DNM2: variants seen among roughly 807,000 people sequenced by gnomAD.
The protein encoded by DNM2 is dynamin-2.
A neutral mutation model predicts 99.0 loss-of-function variants in DNM2; 15 were observed. That is an observed-to-expected ratio of 0.15 (90% confidence interval 0.10 to 0.23). The LOEUF is 0.23. Ranked by LOEUF, DNM2 falls within the 10% of genes least tolerant of loss-of-function variation. The probability of loss-of-function intolerance (pLI) is 1.00; values close to 1 mark genes in which losing one functional copy is unlikely to be tolerated. For synonymous variants in DNM2, 525 were observed against 481.2 expected, an observed-to-expected ratio of 1.09 and a Z score of -1.19; for missense variants, 742 against 1,189.4, an observed-to-expected ratio of 0.62 and a Z score of 5.53.
At position 10,755,254 on chromosome 19, in the gene DNM2, T is replaced by A. The variant is rs115015838; in HGVS notation, c.162-4484T>A. 1.5e-3 allele frequency: 230 copies of A among 152,304 alleles called. 1 individual carries two copies. The highest frequency in any genetic ancestry group is 5.2e-3 in the African/African-American group (216 of 41,570). 9.4% of individuals were successfully genotyped at this position (152,304 alleles called of 1,614,324 possible). ...ATTCGACCACGAAAAGGAATGAACG[T>A]CAGACACACGAAGCAGACAGGATGT... On this transcript the variant is annotated intron_variant, in intron 1 of 20. Transcript: ENST00000389253.
At chr19:10,753,988 T>C (rs563034184) in intron 1 of DNM2, among the ~76,000 whole-genome samples, 6 of 152,330 alleles carry the variant, frequency 3.9e-5, no homozygotes, top group African/African-American at 1.4e-4. Context: ...ATTGAAAATA[T>C]ATGTTTTCAA....
In DNM2 at chr19:10,815,211, G is replaced by A. The variant is rs187023082; in HGVS notation, c.1671+2834G>A. Among the ~76,000 whole-genome samples the A allele has an allele frequency of 2.3e-3, 350 of 152,278 alleles. 1 individual carries two copies. The highest frequency in any genetic ancestry group is 7.9e-3 in the African/African-American group (330 of 41,546). On this transcript the variant is annotated intron_variant, in intron 15 of 20. Coordinates refer to ENST00000389253, the MANE Select transcript of DNM2 (RefSeq NM_001005361.3). ...CAGGGCTCCCTTCATAGTTTAAAAT[G>A]GCTGCCCCATACCCATCACCATGTA...
chr19:10,731,650 G>A (rs1174395107), intron 1 of DNM2, among the ~76,000 whole-genome samples: 1 of 152,136 alleles, frequency 6.6e-6, no homozygotes, highest in Non-Finnish European at 1.5e-5. Context: ...CGCCGTGCCC[G>A]GCCCCCAGGT....
At chr19:10,746,731 T>TTG (rs1555700244) in intron 1 of DNM2, among the ~76,000 whole-genome samples, 9 of 116,080 alleles carry the variant, frequency 7.8e-5, no homozygotes, top group East Asian at 4.7e-4. Flanking sequence ...TTTTTTGTTT[T>TTG]TTGTTTTTTT....
At chr19:10,801,909 A>G (rs62131822) in intron 11 of DNM2, among the ~76,000 whole-genome samples, 1 of 89,048 alleles carries the variant, frequency 1.1e-5, no homozygotes, top group Non-Finnish European at 2.9e-5. Flanking sequence ...CGTCTCGAAG[A>G]AAAAAAAAAA....
Position 10,797,447 on chromosome 19 carries a change from G to A in DNM2, c.1264G>A (p.Glu422Lys), listed in dbSNP as rs940963303. Residue 422 changes from glutamate (E) to lysine (K), a missense_variant, in exon 10 of 21, where the codon GAG becomes AAG. By Grantham distance (56) the Glu-to-Lys change is moderately conservative. Around this residue, in one of 7 missense-constraint regions of DNM2, gnomAD observed 240 missense variants for 431.3 expected, o/e 0.56. Coordinates refer to ENST00000389253, the MANE Select transcript of DNM2 (RefSeq NM_001005361.3). ...IVKKQIVKLKEPSLKCVDLVV... is the reference protein window; with the variant it reads ...IVKKQIVKLKKPSLKCVDLVV... Reference sequence around the variant, plus strand: ...GAAAAAACAGATTGTAAAACTCAAAGAGCCGAGTTTGAAGTGTGTTGATCT... The same window carrying A: ...GAAAAAACAGATTGTAAAACTCAAAAAGCCGAGTTTGAAGTGTGTTGATCT... 1.2e-6 allele frequency: 2 copies of A among 1,613,936 alleles called. No individual in the cohort carries two copies. The highest frequency in any genetic ancestry group is 1.3e-5 in the African/African-American group (1 of 74,886).
intron 15 of DNM2, 108 bp from the exon 16 acceptor site, chr19:10,819,872 T>C (rs569134320): frequency 1.9e-5 from 19 of 1,007,172 alleles, no homozygotes; most frequent in African/African-American, 1.4e-4. Flanking sequence ...GCGACCAGCA[T>C]TGAGAAGCCC....
chr19:10,814,626 G>A (rs1568315675), intron 15 of DNM2, among the ~76,000 whole-genome samples: 1 of 151,752 alleles, frequency 6.6e-6, no homozygotes. Flanking sequence ...ACCTTTCCCA[G>A]CCTCTAGTAT....
chr19:10,829,287 C>G lies in DNM2; in HGVS notation c.2291+19C>G, dbSNP rs1397590460. 1 of 1,610,372 alleles carries G rather than the reference C, an allele frequency of 6.2e-7. No homozygotes were observed. The highest frequency in any genetic ancestry group is 1.3e-5 in the African/African-American group (1 of 74,884). On this transcript the variant is annotated intron_variant, in intron 19 of 20. Coordinates refer to ENST00000389253, the MANE Select transcript of DNM2 (RefSeq NM_001005361.3). ...GCCACAGGTCCGGAAGCCTGGTTCC[C>G]CTACCCTCAAGCATTCGGCCTGCAG...
intron 1 of DNM2, among the ~76,000 whole-genome samples, chr19:10,758,610 G>C (rs373474405): frequency 2.2e-5 from 3 of 134,214 alleles, no homozygotes; most frequent in African/African-American, 5.5e-5. Flanking sequence ...GCAGTGGCAC[G>C]ATCTCAGCTC....
chr19:10,818,701 T>G lies in DNM2; in HGVS notation c.1672-1279T>G, dbSNP rs1031188643. Among the ~76,000 whole-genome samples, 1 of 152,190 alleles carries G rather than the reference T, an allele frequency of 6.6e-6. No individual in the cohort carries two copies. The highest frequency in any genetic ancestry group is 3.2e-3 in the Middle Eastern group (1 of 316). On this transcript the variant is annotated intron_variant, in intron 15 of 20. Transcript: ENST00000389253. The surrounding 1 kb of genome is among the most constrained non-coding windows in gnomAD (Gnocchi z 4.3). ...CTGAACTTGGAGGCGGCAGCCAGGTTAGGCTTTGTGCTGGGGCAGCGCAGT... is the reference window on the plus strand; with the variant it reads ...CTGAACTTGGAGGCGGCAGCCAGGTGAGGCTTTGTGCTGGGGCAGCGCAGT...
At chr19:10,768,868 G>GCT (rs966053775) in intron 2 of DNM2, 1 of 152,310 alleles carries the variant, frequency 6.6e-6, no homozygotes, top group Non-Finnish European at 1.5e-5. Context: ...TCAAGGTAAA[G>GCT]CTCTCTATAT....
At chr19:10,792,630 G>C (rs973861795) in intron 7 of DNM2, among the ~76,000 whole-genome samples, 1 of 151,770 alleles carries the variant, frequency 6.6e-6, no homozygotes, top group Non-Finnish European at 1.5e-5. Flanking sequence ...TTTTGAGACA[G>C]GGTCTTACTC....
In DNM2 at chr19:10,830,533, G is replaced by C. The variant is rs1174565026; in HGVS notation, c.2543+155G>C. ...TTTGGCTTGCGAGGAAACAGGCCCA[G>C]AGAGGCCAAGAGGCTTGTTCAGTGT... On this transcript the variant is annotated intron_variant, in intron 20 of 20. Coordinates refer to ENST00000389253, the MANE Select transcript of DNM2 (RefSeq NM_001005361.3). The surrounding 1 kb of genome is among the most constrained non-coding windows in gnomAD (Gnocchi z 4.8). The C allele has an allele frequency of 1.1e-6, 1 of 888,230 alleles. No homozygotes were observed. Among genetic ancestry groups the C allele is most frequent in the East Asian group, 2.7e-5 (1 of 37,726 alleles). The allele number at this position is 888,230 out of a possible 1,614,324, so 55.0% of individuals were successfully genotyped here.
chr19:10,831,554 A>G lies in DNM2; in HGVS notation c.*507A>G. 1 of 986,326 alleles carries G rather than the reference A, an allele frequency of 1.0e-6. No individual in the cohort carries two copies. The highest frequency in any genetic ancestry group is 1.2e-6 in the Non-Finnish European group (1 of 830,290). 61.1% of individuals were successfully genotyped at this position (986,326 alleles called of 1,614,324 possible). On this transcript the variant is annotated 3_prime_UTR_variant, in exon 21 of 21. Coordinates refer to ENST00000389253, the MANE Select transcript of DNM2 (RefSeq NM_001005361.3). This position sits in a 1 kb window ranked among gnomAD's most constrained non-coding sequence, Gnocchi z 4.3. ...TGCCCAGCTGGCAGGCCTGAGGTGT[A>G]CATAGTCCTTCCCGGCCATATTAAC... is the stretch of plus-strand genomic sequence containing the variant.
chr19:10,802,478 C>A, intron 12 of DNM2, 120 bp downstream of exon 12: 1 of 1,185,208 alleles, frequency 8.4e-7, no homozygotes. Flanking sequence ...GTCGGGGGTC[C>A]TGGGGTGAAG....
chr19:10,752,962 A>G (rs2070250453), intron 1 of DNM2, among the ~76,000 whole-genome samples: 1 of 152,032 alleles, frequency 6.6e-6, no homozygotes, highest in Non-Finnish European at 1.5e-5. Flanking sequence ...AAACAAACAA[A>G]CAAAAAAACC....
chr19:10,739,805 G>A (rs993687543), intron 1 of DNM2, among the ~76,000 whole-genome samples: 8 of 140,108 alleles, frequency 5.7e-5, no homozygotes, highest in East Asian at 2.1e-4. Flanking sequence ...GCAGTGAGCC[G>A]AGATCACTCC....
At chr19:10,808,453 C>T in intron 13 of DNM2, 116 bp from the exon 14 acceptor site, 1 of 1,140,676 alleles carries the variant, frequency 8.8e-7, no homozygotes, top group Non-Finnish European at 1.2e-6. Flanking sequence ...CTCTTCTCTT[C>T]TCCTGTTTTT....
Sources: gnomAD v4.1 joint callset for allele counts (sites outside exome capture counted in the v4.1 genomes callset) on GRCh38, gnomAD v4.1.1 for gene constraint, gnomAD v4.1.1 regional missense constraint, Gnocchi (gnomAD v3.1) non-coding constraint, MANE v1.5 for transcripts, NCBI Gene and HGNC (gene_info 2026-07-23, HGNC 2026-07-21) for gene names.